SRRM4: variants seen among roughly 807,000 people sequenced by gnomAD.
The protein encoded by SRRM4 is serine/arginine repetitive matrix protein 4.
A neutral mutation model predicts 68.9 loss-of-function variants in SRRM4; 33 were observed. The ratio of observed to expected loss-of-function variants is 0.48; its 90% CI spans 0.36 to 0.64. The LOEUF is 0.64. Among genes scored for constraint, SRRM4 ranks in the 30% least tolerant of loss-of-function variants. The pLI, the probability that SRRM4 is intolerant of heterozygous loss-of-function variation, is 0.00. For synonymous variants in SRRM4, 318 were observed against 318.8 expected, an observed-to-expected ratio of 1.00 and a Z score of 0.03; for missense variants, 817 against 827.1, an observed-to-expected ratio of 0.99 and a Z score of 0.15.
At chr12:119,082,201 C>T (rs182229728) in intron 1 of SRRM4, among the ~76,000 whole-genome samples, 221 of 152,204 alleles carry the variant, frequency 1.5e-3, no homozygotes, top group African/African-American at 5.1e-3. Context: ...AGGGCTCAGC[C>T]GCTCCTTTGA....
At chr12:119,052,505 G>A (rs141462688) in intron 1 of SRRM4, among the ~76,000 whole-genome samples, 3 of 150,818 alleles carry the variant, frequency 2.0e-5, no homozygotes, top group African/African-American at 7.3e-5. Flanking sequence ...CTTTTTTGTT[G>A]TTGTTGTTGT....
chr12:119,130,690 G>A lies in SRRM4; in HGVS notation c.627G>A (p.Arg209=), dbSNP rs756655979. Reference sequence around the variant, plus strand: ...CCCCCATCCCCAGGCACCGCGGCCGGTCCCCTGAGGAAGGGCAGAAGTCCC... The same window carrying A: ...CCCCCATCCCCAGGCACCGCGGCCGATCCCCTGAGGAAGGGCAGAAGTCCC... ...PSSCESRHRG[R]SPEEGQKSRR... Residue 209 remains arginine (R), a synonymous_variant, in exon 8 of 13, where the codon CGG becomes CGA. Coordinates refer to ENST00000267260, the MANE Select transcript of SRRM4 (RefSeq NM_194286.4). 3 of 1,610,746 alleles carry A rather than the reference G, an allele frequency of 1.9e-6. No individual in the cohort carries two copies. The highest frequency in any genetic ancestry group is 2.5e-6 in the Non-Finnish European group (3 of 1,179,456).
chr12:119,085,088 A>G (rs1372167453), intron 1 of SRRM4, among the ~76,000 whole-genome samples: 2 of 152,058 alleles, frequency 1.3e-5, no homozygotes, highest in Non-Finnish European at 2.9e-5. Context: ...TTTAGTAGAG[A>G]TGAGGTTTCA....
At chr12:119,123,342 G>A (rs1338595634) in intron 6 of SRRM4, among the ~76,000 whole-genome samples, 1 of 152,166 alleles carries the variant, frequency 6.6e-6, no homozygotes, top group East Asian at 1.9e-4. Context: ...TTCCGCTCAA[G>A]TCAAGAGACA....
intron 1 of SRRM4, among the ~76,000 whole-genome samples, chr12:119,016,454 TAAAAAAA>T (rs562002879): frequency 7.2e-6 from 1 of 138,682 alleles, no homozygotes; most frequent in African/African-American, 2.7e-5. Context: ...ACGATGTAAT[TAAAAAAA>T]AAAAAAAGAA....
At chr12:118,983,290 G>T (rs1347570163) in intron 1 of SRRM4, among the ~76,000 whole-genome samples, 1 of 152,176 alleles carries the variant, frequency 6.6e-6, no homozygotes, top group Non-Finnish European at 1.5e-5. Context: ...TTTAGGAATG[G>T]GTGGCCAAGC....
At chr12:119,002,797 T>G (rs1953393067) in intron 1 of SRRM4, among the ~76,000 whole-genome samples, 1 of 151,958 alleles carries the variant, frequency 6.6e-6, no homozygotes, top group African/African-American at 2.4e-5. Context: ...GGGCTAAGTA[T>G]GAGGAGAGTG....
At chr12:119,061,971 G>C (rs1953815013) in intron 1 of SRRM4, among the ~76,000 whole-genome samples, 1 of 152,062 alleles carries the variant, frequency 6.6e-6, no homozygotes. Flanking sequence ...CTTATAAATG[G>C]GAATACATTC....
At chr12:119,120,058 GA>G (rs11308536) in intron 4 of SRRM4, among the ~76,000 whole-genome samples, 191 bp from the exon 5 acceptor site, 41,504 of 146,182 alleles carry the variant, frequency 0.28, 6,061 homozygotes, top group Middle Eastern at 0.39. Flanking sequence ...TTCATACCAG[GA>G]AAAAAAAAAA....
intron 1 of SRRM4, among the ~76,000 whole-genome samples, chr12:119,082,918 C>T (rs4767770): frequency 0.29 from 43,682 of 152,032 alleles, 6,699 homozygotes; most frequent in East Asian, 0.43. Flanking sequence ...TCTTTATGCC[C>T]TAAGACTGCT....
rs771641076 is a variant in SRRM4, at chr12:119,154,354, G to C, written c.1503G>C (p.Pro501=). 6.2e-7 allele frequency: 1 copy of C among 1,613,230 alleles called. No homozygotes were observed. The change falls in exon 12 of 13, where the codon CCG becomes CCC. Residue 501 remains proline (P), a synonymous_variant. Coordinates refer to ENST00000267260, the MANE Select transcript of SRRM4 (RefSeq NM_194286.4). The surrounding 1 kb of genome is among the most constrained non-coding windows in gnomAD (Gnocchi z 4.7). ...SPMRKRRRDS[P]SHLEARRITS... is the part of the protein sequence containing the mutation. Reference sequence around the variant, plus strand: ...TGAGAAAGCGCCGGAGAGACTCCCCGAGCCACCTGGAGGCCCGGAGGATAA... The same window carrying C: ...TGAGAAAGCGCCGGAGAGACTCCCCCAGCCACCTGGAGGCCCGGAGGATAA...
At chr12:119,027,480 A>G (rs1953556680) in intron 1 of SRRM4, among the ~76,000 whole-genome samples, 1 of 152,200 alleles carries the variant, frequency 6.6e-6, no homozygotes, top group Non-Finnish European at 1.5e-5. Context: ...TAGTAATCTT[A>G]TCTTTTAAGA....
chr12:119,139,966 T>TG (rs1954354627), intron 8 of SRRM4, among the ~76,000 whole-genome samples: 1 of 152,212 alleles, frequency 6.6e-6, no homozygotes, highest in South Asian at 2.1e-4. Context: ...GCATACACTA[T>TG]GTAAGGATCA....
chr12:119,066,189 T>C (rs1485197646), intron 1 of SRRM4, among the ~76,000 whole-genome samples: 1 of 152,224 alleles, frequency 6.6e-6, no homozygotes, highest in Non-Finnish European at 1.5e-5. Context: ...GCTTCTTCTC[T>C]GGGTAATAAT....
intron 1 of SRRM4, among the ~76,000 whole-genome samples, chr12:119,007,009 A>C (rs1048670367): frequency 6.6e-6 from 1 of 152,234 alleles, no homozygotes; most frequent in Non-Finnish European, 1.5e-5. Context: ...TGGTCTCCTA[A>C]GTGGGCCACC....
chr12:119,040,464 C>G (rs1328626930), intron 1 of SRRM4, among the ~76,000 whole-genome samples: 1 of 152,176 alleles, frequency 6.6e-6, no homozygotes, highest in Non-Finnish European at 1.5e-5. Context: ...TTTTCCATTC[C>G]TGAGTTACTT....
chr12:119,048,786 A>ATT (rs1953723513), intron 1 of SRRM4, among the ~76,000 whole-genome samples: 1 of 152,160 alleles, frequency 6.6e-6, no homozygotes, highest in African/African-American at 2.4e-5. Context: ...TTAGTCTGGC[A>ATT]TGGTAGCACT....
intron 1 of SRRM4, among the ~76,000 whole-genome samples, chr12:119,013,931 C>T (rs552964355): frequency 1.2e-4 from 18 of 152,070 alleles, no homozygotes; most frequent in Admixed American, 2.0e-4. Context: ...GCTACCCTCC[C>T]CTTCTTCCCA....
At chr12:119,061,297 A>G (rs1288827544) in intron 1 of SRRM4, among the ~76,000 whole-genome samples, 1 of 152,110 alleles carries the variant, frequency 6.6e-6, no homozygotes, top group Non-Finnish European at 1.5e-5. Flanking sequence ...TGGTTAGAAA[A>G]GAAAAAAAGG....
Sources: gnomAD v4.1 joint callset for allele counts (sites outside exome capture counted in the v4.1 genomes callset) on GRCh38, gnomAD v4.1.1 for gene constraint, Gnocchi (gnomAD v3.1) non-coding constraint, MANE v1.5 for transcripts, NCBI Gene and HGNC (gene_info 2026-07-23, HGNC 2026-07-21) for gene names.